LMBRD2: variants seen among roughly 807,000 people sequenced by gnomAD.
The protein encoded by LMBRD2 is G protein-coupled receptor-associated protein LMBRD2.
A neutral mutation model predicts 94.4 loss-of-function variants in LMBRD2; 55 were observed. The observed-to-expected ratio is 0.58, with a 90% CI of 0.47 to 0.73. The LOEUF is 0.73. Among genes scored for constraint, LMBRD2 ranks in the 30% least tolerant of loss-of-function variants. The pLI is 0.00. For synonymous variants in LMBRD2, 246 were observed against 272.4 expected, an observed-to-expected ratio of 0.90 and a Z score of 0.95; for missense variants, 640 against 831.9, an observed-to-expected ratio of 0.77 and a Z score of 2.84.
At chr5:36,104,466 T>C (rs1435836704) in intron 17 of LMBRD2, among the ~76,000 whole-genome samples, 4 of 151,996 alleles carry the variant, frequency 2.6e-5, no homozygotes, top group Non-Finnish European at 5.9e-5. Flanking sequence ...ATAGTAAACA[T>C]TTTCGTGCAC....
At chr5:36,114,600 T>C in intron 12 of LMBRD2, 79 bp from the exon 13 acceptor site, 1 of 1,403,568 alleles carries the variant, frequency 7.1e-7, no homozygotes, top group Non-Finnish European at 9.3e-7. Context: ...AAAATTTGCC[T>C]ATAACCAGTT....
rs1468762158 is a variant in LMBRD2, at chr5:36,150,203, C to G, written c.-58+1353G>C. Among the ~76,000 whole-genome samples, 3 of 152,234 alleles carry G rather than the reference C, an allele frequency of 2.0e-5. No individual in the cohort carries two copies. In the East Asian group the frequency reaches 5.8e-4, roughly 29 times the overall value. On this transcript the variant is annotated intron_variant, in intron 1 of 17. Coordinates refer to ENST00000296603, the MANE Select transcript of LMBRD2 (RefSeq NM_001007527.2). Reference sequence around the variant, plus strand: ...GAATTTCAAAACTGACAGGCTCTCCCTGAAGTCCTAGAGAGGATCTTGTGT... The same window carrying G: ...GAATTTCAAAACTGACAGGCTCTCCGTGAAGTCCTAGAGAGGATCTTGTGT...
chr5:36,127,091 A>G (rs998968034), intron 6 of LMBRD2, among the ~76,000 whole-genome samples: 1 of 152,252 alleles, frequency 6.6e-6, no homozygotes, highest in Non-Finnish European at 1.5e-5. Context: ...ATAAACTGTA[A>G]GGGACTCTGT....
At chr5:36,137,463 G>A in intron 4 of LMBRD2, 22 bp from the exon 5 acceptor site, 1 of 1,477,792 alleles carries the variant, frequency 6.8e-7, no homozygotes, top group South Asian at 1.4e-5. Flanking sequence ...GAAAAAATAT[G>A]ATTAAAAACC....
chr5:36,142,046 T>C (rs2111909399), intron 3 of LMBRD2, among the ~76,000 whole-genome samples: 1 of 152,354 alleles, frequency 6.6e-6, no homozygotes, highest in East Asian at 1.9e-4. Flanking sequence ...ATTTGAACTT[T>C]ATTAATTTTT....
At chr5:36,128,202 C>CTTGGGGTGTCCCCTAATATAGAT (rs1366995649) in intron 6 of LMBRD2, among the ~76,000 whole-genome samples, 1 of 152,208 alleles carries the variant, frequency 6.6e-6, no homozygotes, top group African/African-American at 2.4e-5. Flanking sequence ...CATTATAGGG[C>CTTGGGGTGTCCCCTAATATAGAT]TTGGGGTGTC....
chr5:36,112,548 A>G (rs1743637035), intron 13 of LMBRD2, among the ~76,000 whole-genome samples: 1 of 152,202 alleles, frequency 6.6e-6, no homozygotes, highest in Admixed American at 6.6e-5. Context: ...TCTATAACAG[A>G]AGATCTATTT....
intron 11 of LMBRD2, among the ~76,000 whole-genome samples, chr5:36,116,023 T>C (rs191554389): frequency 6.6e-6 from 1 of 152,346 alleles, no homozygotes; most frequent in East Asian, 1.9e-4. Flanking sequence ...GGTAATAGAT[T>C]GTACAATCTT....
At chr5:36,122,800 C>A (rs373453713) in intron 8 of LMBRD2, 48 bp downstream of exon 8, 47 of 1,537,524 alleles carry the variant, frequency 3.1e-5, no homozygotes, top group Middle Eastern at 1.8e-4. Flanking sequence ...GATTAGAAGT[C>A]TAATTAAAAT....
intron 6 of LMBRD2, among the ~76,000 whole-genome samples, chr5:36,133,946 A>T (rs1744211661): frequency 6.6e-6 from 1 of 152,078 alleles, no homozygotes; most frequent in Non-Finnish European, 1.5e-5. Context: ...GTGAAATCCA[A>T]ATTCCTCAAA....
chr5:36,130,969 C>T (rs1489550039), intron 6 of LMBRD2, among the ~76,000 whole-genome samples: 2 of 152,134 alleles, frequency 1.3e-5, no homozygotes, highest in African/African-American at 4.8e-5. Flanking sequence ...AGGAGGGATA[C>T]TTCCAAACTC....
At chr5:36,146,182 A>C (rs1350368929) in intron 1 of LMBRD2, among the ~76,000 whole-genome samples, 1 of 152,238 alleles carries the variant, frequency 6.6e-6, no homozygotes, top group African/African-American at 2.4e-5. Flanking sequence ...GTATCTTACC[A>C]CTGCTGTAAC....
Position 36,100,464 on chromosome 5 carries a change from CTG to C in LMBRD2, c.*3580_*3581del, listed in dbSNP as rs1004051779. On this transcript the variant is annotated 3_prime_UTR_variant, in exon 18 of 18. Coordinates refer to ENST00000296603, the MANE Select transcript of LMBRD2 (RefSeq NM_001007527.2). ...AGCGTACCACTCATCAAAAACAACTCTGTACACAAAACAGAAGGAAAATCTTT... is the reference window on the plus strand; with the variant it reads ...AGCGTACCACTCATCAAAAACAACTCTACACAAAACAGAAGGAAAATCTTT... 28 of 152,126 alleles carry C rather than the reference CTG, an allele frequency of 1.8e-4. No homozygotes were observed. The highest frequency in any genetic ancestry group is 5.2e-4 in the Admixed American group (8 of 15,246). The allele number at this position is 152,126 out of a possible 1,614,324, so 9.4% of individuals were successfully genotyped here.
intron 16 of LMBRD2, among the ~76,000 whole-genome samples, chr5:36,107,235 A>T (rs1037847370): frequency 6.6e-6 from 1 of 151,998 alleles, no homozygotes; most frequent in Non-Finnish European, 1.5e-5. Flanking sequence ...ATTCCCCCCT[A>T]TCTGTTCATG....
intron 16 of LMBRD2, among the ~76,000 whole-genome samples, chr5:36,105,515 T>C (rs1743445416): frequency 6.6e-6 from 1 of 152,162 alleles, no homozygotes; most frequent in African/African-American, 2.4e-5. Flanking sequence ...AAACTGTTTA[T>C]TAACAAAAGT....
intron 2 of LMBRD2, chr5:36,142,864 A>G (rs113529893): frequency 2.6e-5 from 10 of 378,040 alleles, no homozygotes; most frequent in African/African-American, 1.3e-4. Flanking sequence ...AGCTGGGACT[A>G]CAGGCGTCCG....
chr5:36,113,871 A>G (rs1484929299), intron 13 of LMBRD2, among the ~76,000 whole-genome samples: 1 of 152,196 alleles, frequency 6.6e-6, no homozygotes, highest in Non-Finnish European at 1.5e-5. Context: ...ACTCCTGCCT[A>G]GATTCTACCA....
intron 2 of LMBRD2, 115 bp from the exon 3 acceptor site, chr5:36,142,714 TTC>T: frequency 1.7e-6 from 1 of 580,186 alleles, no homozygotes. Context: ...CTATGCTTTA[TTC>T]TTTTTTTTTT....
intron 5 of LMBRD2, among the ~76,000 whole-genome samples, chr5:36,136,751 T>C (rs1374271499): frequency 3.9e-5 from 6 of 152,202 alleles, no homozygotes; most frequent in Admixed American, 3.9e-4. Context: ...AATTAACCTG[T>C]GTTGCTGACC....
Sources: gnomAD v4.1 joint callset for allele counts (sites outside exome capture counted in the v4.1 genomes callset) on GRCh38, gnomAD v4.1.1 for gene constraint, MANE v1.5 for transcripts, NCBI Gene and HGNC (gene_info 2026-07-23, HGNC 2026-07-21) for gene names.